Variants in UCKL1 observed in about 807,000 individuals in gnomAD.
UCKL1 encodes the protein uridine-cytidine kinase 1 like 1.
UCKL1 carries 65 observed loss-of-function variants against 59.2 expected under a neutral mutation model. The ratio of observed to expected loss-of-function variants is 1.10; its 90% CI spans 0.90 to 1.35. UCKL1 has a LOEUF of 1.35. Among genes scored for constraint, UCKL1 ranks in the 40% most tolerant of loss-of-function variants. The pLI, the probability that UCKL1 is intolerant of heterozygous loss-of-function variation, is 0.00. For synonymous variants in UCKL1, 410 were observed against 323.1 expected (o/e 1.27, Z -2.88); for missense variants, 703 against 784.3 (o/e 0.90, Z 1.24).
In UCKL1 at chr20:63,941,161, A is replaced by G. The variant is rs1361842445; in HGVS notation, c.971T>C (p.Leu324Pro). The G allele has an allele frequency of 1.3e-6, 2 of 1,584,062 alleles. No homozygotes were observed. Among genetic ancestry groups the G allele is most frequent in the Non-Finnish European group, 1.7e-6 (2 of 1,170,160 alleles). Reference protein sequence around the residue: ...AHQCHPLPRTLSVLKSTPQVR... With the variant: ...AHQCHPLPRTPSVLKSTPQVR... Reference sequence around the variant, plus strand: ...CTGCGGCGTGCTCTTCAGGACGCTCAGCGTCCGGGGCAGCGGGTGGCACTG... The same window carrying G: ...CTGCGGCGTGCTCTTCAGGACGCTCGGCGTCCGGGGCAGCGGGTGGCACTG... The change falls in exon 9 of 15, where the codon CTG (leucine) becomes CCG (proline). Residue 324 changes from leucine (L) to proline (P), a missense_variant. By Grantham distance (98) the Leu-to-Pro change is moderately conservative. Transcript: ENST00000354216.
At chr20:63,944,093 AT>A (rs1199428013) in intron 7 of UCKL1, among the ~76,000 whole-genome samples, 3 of 152,192 alleles carry the variant, frequency 2.0e-5, no homozygotes, top group Non-Finnish European at 4.4e-5. Context: ...CCAGCAGGTC[AT>A]GCCTGTCTTC....
At position 63,946,637 on chromosome 20, in the gene UCKL1, A is replaced by G. The variant is rs762963555; in HGVS notation, c.120T>C (p.Asn40=). The G allele has an allele frequency of 1.2e-6, 2 of 1,607,682 alleles. No individual in the cohort carries two copies. Among genetic ancestry groups the G allele is most frequent in the Non-Finnish European group, 1.7e-6 (2 of 1,179,690 alleles). The change falls in exon 2 of 15, where the codon AAT becomes AAC. Residue 40 remains asparagine (N), a synonymous_variant. Coordinates refer to ENST00000354216, the MANE Select transcript of UCKL1 (RefSeq NM_017859.4). ...KSETACEDRS[N]AESLDRLLPP... The stretch of plus-strand genomic sequence containing the variant: ...GCAGGAGCCTGTCCAGGGACTCTGC[A>G]TTGCTGCTGCAGAGAGGGATGTACT...
chr20:63,940,452 CG>C lies in UCKL1; in HGVS notation c.1335del (p.Ser445ArgfsTer5). 1 of 1,612,236 alleles carries C rather than the reference CG, an allele frequency of 6.2e-7. No individual in the cohort carries two copies. The highest frequency in any genetic ancestry group is 8.5e-7 in the Non-Finnish European group (1 of 1,179,780). On this transcript the variant is annotated frameshift_variant, in exon 13 of 15. Transcript: ENST00000354216. LOFTEE classifies it high-confidence loss of function. ...LHYLRLPKDI[S>X]DDHVILMDCT... ...CAGTCCATGAGGATCACGTGGTCAT[CG>C]CTGATGTCCTTGGGCAGCCTCAGGT...
At position 63,940,213 on chromosome 20, in the gene UCKL1, T is replaced by G. The variant is rs150085625; in HGVS notation, c.1504A>C (p.Arg502=). 11 of 1,612,674 alleles carry G rather than the reference T, an allele frequency of 6.8e-6. No individual in the cohort carries two copies. Among genetic ancestry groups the G allele is most frequent in the Non-Finnish European group, 9.3e-6 (11 of 1,179,996 alleles). ...HSVAYAFPRV[R]IITTAVDKRV... Reference sequence around the variant, plus strand: ...TTGTCCACCGCCGTGGTGATGATTCTCACTCGCGGAAATGCATAGGCCACT... The same window carrying G: ...TTGTCCACCGCCGTGGTGATGATTCGCACTCGCGGAAATGCATAGGCCACT... The change falls in exon 14 of 15, where the codon AGA becomes CGA. Residue 502 remains arginine, a synonymous_variant. Coordinates refer to ENST00000354216, the MANE Select transcript of UCKL1 (RefSeq NM_017859.4).
intron 8 of UCKL1, chr20:63,942,405 A>G: frequency 8.5e-7 from 1 of 1,172,126 alleles, no homozygotes; most frequent in Non-Finnish European, 1.1e-6. Context: ...GCCTAGCGGG[A>G]GCAGCGGGGC....
chr20:63,941,404 A>C, intron 8 of UCKL1, 196 bp from the exon 9 acceptor site: 1 of 816,436 alleles, frequency 1.2e-6, no homozygotes, highest in Non-Finnish European at 1.9e-6. Context: ...GGCAAAGGCG[A>C]AAGATGGCGG....
chr20:63,949,713 T>G (rs2057293534), intron 1 of UCKL1, among the ~76,000 whole-genome samples: 1 of 152,150 alleles, frequency 6.6e-6, no homozygotes, highest in African/African-American at 2.4e-5. Flanking sequence ...AACCCCAGCA[T>G]CTGCAGGGAA....
intron 1 of UCKL1, among the ~76,000 whole-genome samples, chr20:63,947,264 C>T (rs1363784097): frequency 6.6e-6 from 1 of 152,212 alleles, no homozygotes; most frequent in East Asian, 1.9e-4. Context: ...GCTGTGTGGA[C>T]AGGCACTGGC....
At position 63,939,936 on chromosome 20, in the gene UCKL1, CAGG is replaced by C. The variant is rs2053898749; in HGVS notation, c.*37_*39del. On this transcript the variant is annotated 3_prime_UTR_variant, in exon 15 of 15. Coordinates refer to ENST00000354216, the MANE Select transcript of UCKL1 (RefSeq NM_017859.4). ...TATTCAGCAGTCCTGGGTCAGGAGG[CAGG>C]AGGAGGGTGGTGGGGACGGGATGGC... is the stretch of plus-strand genomic sequence containing the variant. The C allele has an allele frequency of 5.7e-6, 9 of 1,570,770 alleles. No homozygotes were observed. Among genetic ancestry groups the C allele is most frequent in the South Asian group, 1.1e-5 (1 of 90,012 alleles).
Position 63,944,533 on chromosome 20 carries a change from C to G in UCKL1, c.844+12G>C. On this transcript the variant is annotated intron_variant, in intron 6 of 14. Coordinates refer to ENST00000354216, the MANE Select transcript of UCKL1 (RefSeq NM_017859.4). ...CCCGACACCCACCCAACAGGCAGCC[C>G]AGCAGGCTCACCTCTGGGGACCACG... 1 of 1,604,758 alleles carries G rather than the reference C, an allele frequency of 6.2e-7. No individual in the cohort carries two copies.
In UCKL1 at chr20:63,940,830, C is replaced by T. The variant is rs1443659253; in HGVS notation, c.1143G>A (p.Gly381=). ...FQDCVVQTPQ[G]QDYAGKCYAG... is the part of the protein sequence containing the mutation. ...CATAGCACTTGCCCGCATAGTCCTG[C>T]CCCTGCGGGGTCTGTACGACGCAGT... Residue 381 remains glycine, a synonymous_variant, in exon 11 of 15, where the codon GGG becomes GGA. Coordinates refer to ENST00000354216, the MANE Select transcript of UCKL1 (RefSeq NM_017859.4). 1.3e-6 allele frequency: 2 copies of T among 1,564,606 alleles called. No homozygotes were observed. Among genetic ancestry groups the T allele is most frequent in the Non-Finnish European group, 8.7e-7 (1 of 1,155,898 alleles).
intron 8 of UCKL1, among the ~76,000 whole-genome samples, chr20:63,941,807 T>G (rs1356279046): frequency 6.4e-5 from 7 of 109,872 alleles, no homozygotes; most frequent in Admixed American, 9.6e-5. Flanking sequence ...AAGAAAGAGG[T>G]GGGACAGGGA....
At chr20:63,951,487 T>A (rs1267521064) in intron 1 of UCKL1, among the ~76,000 whole-genome samples, 3 of 152,166 alleles carry the variant, frequency 2.0e-5, no homozygotes, top group African/African-American at 7.2e-5. Flanking sequence ...ACGTCAGTGC[T>A]GAGCTGGGCA....
chr20:63,945,715 A>G lies in UCKL1; in HGVS notation c.590T>C (p.Leu197Pro). Residue 197 changes from leucine to proline, a missense_variant, in exon 5 of 15, where the codon CTG (leucine) becomes CCG (proline). By Grantham distance (98) the Leu-to-Pro change is moderately conservative. Coordinates refer to ENST00000354216, the MANE Select transcript of UCKL1 (RefSeq NM_017859.4). ...THSRKKDWKT[L>P]YGANVIIFEG... ...AAAGATGATGACGTTTGCACCATACAGTGTTTTCTGTGAAGAAACCCAGGA... is the reference window on the plus strand; with the variant it reads ...AAAGATGATGACGTTTGCACCATACGGTGTTTTCTGTGAAGAAACCCAGGA... The G allele has an allele frequency of 6.2e-7, 1 of 1,613,010 alleles. No homozygotes were observed. Among genetic ancestry groups the G allele is most frequent in the African/African-American group, 1.3e-5 (1 of 75,036 alleles).
At chr20:63,946,050 G>A in intron 3 of UCKL1, 75 bp from the exon 4 acceptor site, 3 of 1,609,996 alleles carry the variant, frequency 1.9e-6, no homozygotes, top group Non-Finnish European at 2.5e-6. Flanking sequence ...GGGGCTCTAG[G>A]CCTCCCAGGA....
intron 1 of UCKL1, chr20:63,955,657 C>T (rs916414054): frequency 1.3e-5 from 2 of 152,328 alleles, no homozygotes; most frequent in South Asian, 2.1e-4. Context: ...GTGGCCACCG[C>T]CCCCTGACGG....
chr20:63,947,364 G>T (rs760035241), intron 1 of UCKL1, among the ~76,000 whole-genome samples: 78 of 152,238 alleles, frequency 5.1e-4, no homozygotes, highest in Admixed American at 2.0e-4. Context: ...TTGCAACCCG[G>T]CACACTCTCT....
intron 14 of UCKL1, 33 bp from the exon 15 acceptor site, chr20:63,940,088 G>A (rs368766330): frequency 4.3e-6 from 7 of 1,610,956 alleles, no homozygotes; most frequent in Non-Finnish European, 5.9e-6. Context: ...CCAGTGTGGT[G>A]GGGCCTCCCA....
At chr20:63,941,325 G>C in intron 8 of UCKL1, 117 bp from the exon 9 acceptor site, 1 of 1,416,442 alleles carries the variant, frequency 7.1e-7, no homozygotes, top group Non-Finnish European at 9.4e-7. Flanking sequence ...CACAGCACGA[G>C]GTGCAGAGCG....
Sources: allele counts gnomAD v4.1 joint callset (sites outside exome capture counted in the v4.1 genomes callset), GRCh38; gene constraint gnomAD v4.1.1; transcripts MANE v1.5; gene names NCBI Gene and HGNC (gene_info 2026-07-23, HGNC 2026-07-21).